CLEC16A: variants seen among roughly 807,000 people sequenced by gnomAD.
The protein encoded by CLEC16A is protein CLEC16A.
CLEC16A carries 51 observed loss-of-function variants against 109.5 expected under a neutral mutation model. The ratio of observed to expected loss-of-function variants is 0.47; its 90% confidence interval spans 0.37 to 0.59. The LOEUF is 0.59. Among genes scored for constraint, CLEC16A ranks in the 20% least tolerant of loss-of-function variants. The pLI is 0.00. For missense variants in CLEC16A, 1,339 were observed against 1,394.0 expected (o/e 0.96, Z 0.63); for synonymous variants, 673 against 564.2 (o/e 1.19, Z -2.73).
intron 19 of CLEC16A, among the ~76,000 whole-genome samples, chr16:11,117,799 G>T (rs1231823525): frequency 6.6e-6 from 1 of 152,092 alleles, no homozygotes; most frequent in Admixed American, 6.6e-5. Context: ...TAGTTCTCCT[G>T]TTTGGGGACA....
chr16:10,944,844 ACGGGG>A, intron 1 of CLEC16A, 47 bp downstream of exon 1: 2 of 1,507,192 alleles, frequency 1.3e-6, no homozygotes, highest in Non-Finnish European at 1.8e-6. Flanking sequence ...GGACAGGGGG[ACGGGG>A]CGCCGAGCTC....
intron 19 of CLEC16A, among the ~76,000 whole-genome samples, chr16:11,072,773 C>T (rs149420499): frequency 1.4e-4 from 22 of 152,344 alleles, no homozygotes; most frequent in African/African-American, 4.8e-4. Context: ...TACAATTCTT[C>T]CTCTTGACTG....
At chr16:10,998,767 C>T (rs2044482271) in intron 10 of CLEC16A, among the ~76,000 whole-genome samples, 1 of 152,180 alleles carries the variant, frequency 6.6e-6, no homozygotes, top group Non-Finnish European at 1.5e-5. Context: ...CTGTCCGCCC[C>T]TGCTCTGGTC....
At chr16:11,103,240 C>T (rs143978486) in intron 19 of CLEC16A, among the ~76,000 whole-genome samples, 203 of 152,314 alleles carry the variant, frequency 1.3e-3, no homozygotes, top group African/African-American at 4.2e-3. Flanking sequence ...CGCTGCTCTC[C>T]ACCTCTGCTT....
intron 19 of CLEC16A, among the ~76,000 whole-genome samples, chr16:11,080,979 CCCACCCCAGG>C (rs1308424705): frequency 6.6e-6 from 1 of 152,230 alleles, no homozygotes; most frequent in Non-Finnish European, 1.5e-5. Flanking sequence ...GCTATTACAG[CCCACCCCAGG>C]TGGGATGCAG....
At chr16:11,136,745 A>G (rs935904048) in intron 22 of CLEC16A, among the ~76,000 whole-genome samples, 1 of 152,246 alleles carries the variant, frequency 6.6e-6, no homozygotes, top group African/African-American at 2.4e-5. Context: ...CACAGCTCTC[A>G]GAGGCTGAGC....
chr16:11,129,108 C>A (rs1316762578), intron 22 of CLEC16A, among the ~76,000 whole-genome samples: 1 of 152,212 alleles, frequency 6.6e-6, no homozygotes, highest in Non-Finnish European at 1.5e-5. Context: ...CCTTGCCAGC[C>A]CCTGCTGCTC....
intron 10 of CLEC16A, among the ~76,000 whole-genome samples, chr16:11,001,679 C>CTGGATGAGTGT (rs2152749159): frequency 6.6e-6 from 1 of 152,268 alleles, no homozygotes; most frequent in Non-Finnish European, 1.5e-5. Context: ...ATTCTGTCGC[C>CTGGATGAGTGT]CAGGCTGGAT....
At chr16:11,068,102 C>T (rs1444837858) in intron 19 of CLEC16A, among the ~76,000 whole-genome samples, 2 of 152,152 alleles carry the variant, frequency 1.3e-5, no homozygotes, top group Admixed American at 1.3e-4. Context: ...TAGACAAATG[C>T]AGACCGAATC....
At chr16:11,142,688 G>A (rs1172385810) in intron 22 of CLEC16A, among the ~76,000 whole-genome samples, 3 of 152,248 alleles carry the variant, frequency 2.0e-5, no homozygotes, top group Admixed American at 6.5e-5. Flanking sequence ...GGCCAAGAGT[G>A]TAGTTAAGCC....
At chr16:11,075,428 ATGTGTGTGTGTGTGTGTGTG>A (rs112426314) in intron 19 of CLEC16A, among the ~76,000 whole-genome samples, 2 of 107,910 alleles carry the variant, frequency 1.9e-5, no homozygotes, top group African/African-American at 7.0e-5. Flanking sequence ...GTGTGTGTGT[ATGTGTGTGTGTGTGTGTGTG>A]TGTTTTGAGA....
intron 22 of CLEC16A, among the ~76,000 whole-genome samples, chr16:11,147,778 T>C (rs1263910302): frequency 6.6e-6 from 1 of 152,198 alleles, no homozygotes; most frequent in Non-Finnish European, 1.5e-5. Flanking sequence ...AAAGACCAGA[T>C]TATCTCATTT....
rs192375269 is a variant in CLEC16A at position 10,975,492 on chromosome 16, T to C, written c.729-1733T>C. Among the ~76,000 whole-genome samples, 2 of 152,276 alleles carry C rather than the reference T, an allele frequency of 1.3e-5. 1 individual carries two copies. The highest frequency in any genetic ancestry group is 3.8e-4 in the East Asian group (2 of 5,196). The stretch of plus-strand genomic sequence containing the variant: ...AAGTGAGGCACTTTAAATATACCAT[T>C]AGAGAAAATGTTCCAAAGTATCTTA... On this transcript the variant is annotated intron_variant, in intron 7 of 23. Transcript: ENST00000409790.
chr16:11,029,642 G>T (rs902842073), intron 13 of CLEC16A, among the ~76,000 whole-genome samples: 1 of 152,088 alleles, frequency 6.6e-6, no homozygotes, highest in Admixed American at 6.6e-5. Context: ...CCATTGTTTT[G>T]TATATATTGT....
chr16:11,023,952 C>G (rs1285970766), intron 12 of CLEC16A, among the ~76,000 whole-genome samples: 1 of 152,180 alleles, frequency 6.6e-6, no homozygotes, highest in Non-Finnish European at 1.5e-5. Context: ...TTCTGTGAGG[C>G]CCTTCACCTG....
intron 11 of CLEC16A, among the ~76,000 whole-genome samples, chr16:11,003,895 A>G (rs2044823659): frequency 6.6e-6 from 1 of 151,568 alleles, no homozygotes; most frequent in African/African-American, 2.4e-5. Flanking sequence ...GCACTTTGGG[A>G]AGCCAAGGTG....
At chr16:11,085,037 G>A (rs528114303) in intron 19 of CLEC16A, among the ~76,000 whole-genome samples, 3 of 152,288 alleles carry the variant, frequency 2.0e-5, no homozygotes, top group South Asian at 2.1e-4. Context: ...AGAGAGAGTC[G>A]GAGTTTTGTC....
chr16:10,987,009 C>T (rs2043709491), intron 10 of CLEC16A, among the ~76,000 whole-genome samples: 1 of 151,918 alleles, frequency 6.6e-6, no homozygotes, highest in Non-Finnish European at 1.5e-5. Context: ...TGCACCACCA[C>T]ACCCAGCTAA....
chr16:10,979,865 T>C (rs779042981), intron 9 of CLEC16A, among the ~76,000 whole-genome samples: 1 of 152,196 alleles, frequency 6.6e-6, no homozygotes, highest in Non-Finnish European at 1.5e-5. Flanking sequence ...GGAAGGAATC[T>C]TGTAGCAACC....
Sources: gnomAD v4.1 joint callset for allele counts (sites outside exome capture counted in the v4.1 genomes callset) on GRCh38, gnomAD v4.1.1 for gene constraint, MANE v1.5 for transcripts, NCBI Gene and HGNC (gene_info 2026-07-23, HGNC 2026-07-21) for gene names.